TLL1: variants seen among roughly 807,000 people sequenced by gnomAD.
The protein encoded by TLL1 is tolloid like 1, also known as tolloid-like protein 1.
In TLL1, 49 loss-of-function variants were observed where a neutral mutation model predicts 128.2. The ratio of observed to expected loss-of-function variants is 0.38; its 90% CI spans 0.30 to 0.48. TLL1 has a LOEUF of 0.48. Ranked by LOEUF, TLL1 falls within the 20% of genes least tolerant of loss-of-function variation. The pLI is 0.96. For missense variants in TLL1, 1,123 were observed against 1,242.0 expected (o/e 0.90, Z 1.44); for synonymous variants, 454 against 418.8 (o/e 1.08, Z -1.03).
chr4:165,898,967 G>T (rs1002252398), intron 1 of TLL1, among the ~76,000 whole-genome samples: 10 of 152,182 alleles, frequency 6.6e-5, no homozygotes, highest in Non-Finnish European at 1.3e-4. Context: ...GAGGGTGTAT[G>T]TGTCCAGGAA....
chr4:165,902,296 AAAAAAC>A (rs897242757), intron 1 of TLL1, among the ~76,000 whole-genome samples: 3 of 148,946 alleles, frequency 2.0e-5, no homozygotes, highest in African/African-American at 7.7e-5. Context: ...GGTTATGAAA[AAAAAAC>A]AAAAAAACAA....
At chr4:165,986,388 G>A (rs1736394149) in intron 1 of TLL1, among the ~76,000 whole-genome samples, 1 of 151,918 alleles carries the variant, frequency 6.6e-6, no homozygotes, top group South Asian at 2.1e-4. Context: ...AGAAAGAAAT[G>A]CATTTTAAAC....
chr4:166,050,951 A>C (rs539413763), intron 12 of TLL1, among the ~76,000 whole-genome samples: 61 of 152,244 alleles, frequency 4.0e-4, no homozygotes, highest in African/African-American at 1.4e-3. Flanking sequence ...ATTTGGCTCT[A>C]CTTCTGATAT....
At chr4:166,005,126 C>T (rs1041563699) in intron 6 of TLL1, among the ~76,000 whole-genome samples, 22 of 151,822 alleles carry the variant, frequency 1.4e-4, no homozygotes, top group African/African-American at 5.1e-4. Flanking sequence ...TCTTTTTAGA[C>T]AACAAGATGA....
At chr4:165,903,237 C>G (rs1234371413) in intron 1 of TLL1, among the ~76,000 whole-genome samples, 1 of 151,882 alleles carries the variant, frequency 6.6e-6, no homozygotes, top group Non-Finnish European at 1.5e-5. Context: ...ACTCAGGAGG[C>G]TGAGGCAGGA....
intron 8 of TLL1, 53 bp from the exon 9 acceptor site, chr4:166,025,263 T>G (rs1045529993): frequency 2.3e-6 from 3 of 1,294,358 alleles, no homozygotes; most frequent in Non-Finnish European, 3.4e-6. Flanking sequence ...TTTATGATAT[T>G]CACGTATTTT....
In TLL1 at chr4:166,014,425, C is replaced by T. The variant is rs1560811459; in HGVS notation, c.918-11C>T. The T allele has an allele frequency of 1.2e-6, 2 of 1,611,676 alleles. No homozygotes were observed. Among genetic ancestry groups the T allele is most frequent in the African/African-American group, 1.3e-5 (1 of 74,820 alleles). ...GTGACTTAGGTGTGGTTTGCTTCTG[C>T]TTTTTTTCAGGGGGATGTTTCTGGA... On this transcript the variant is annotated splice_polypyrimidine_tract_variant and intron_variant, in intron 7 of 20. Coordinates refer to ENST00000061240, the MANE Select transcript of TLL1 (RefSeq NM_012464.5).
At chr4:165,911,168 C>T in intron 1 of TLL1, among the ~76,000 whole-genome samples, 1 of 152,154 alleles carries the variant, frequency 6.6e-6, no homozygotes, top group African/African-American at 2.4e-5. Context: ...TGCCCATTAA[C>T]CAATCTCTAT....
chr4:165,958,652 T>G lies in TLL1; in HGVS notation c.170-30729T>G, dbSNP rs1380367397. On this transcript the variant is annotated intron_variant, in intron 1 of 20. Transcript: ENST00000061240. ...GTAGGTTGCAAAAATTTTCTCCCATTTTGTAGGTTGCCTGTTCACTCTGAT... is the reference window on the plus strand; with the variant it reads ...GTAGGTTGCAAAAATTTTCTCCCATGTTGTAGGTTGCCTGTTCACTCTGAT... 9.1e-3 allele frequency among the ~76,000 whole-genome samples: 1,219 copies of G among 133,270 alleles called. 21 individuals carry two copies. The highest frequency in any genetic ancestry group is 0.034 in the African/African-American group (1,085 of 31,916). 87.4% of individuals were successfully genotyped at this position (133,270 alleles called of 152,430 possible).
intron 3 of TLL1, among the ~76,000 whole-genome samples, chr4:165,993,152 C>A (rs1736719612): frequency 6.6e-6 from 1 of 151,706 alleles, no homozygotes; most frequent in Non-Finnish European, 1.5e-5. Flanking sequence ...ATACTTATTT[C>A]CAGGCAATTC....
intron 1 of TLL1, among the ~76,000 whole-genome samples, chr4:165,957,701 C>CTTT (rs568454587): frequency 7.4e-6 from 1 of 135,830 alleles, no homozygotes; most frequent in African/African-American, 2.7e-5. Context: ...TTGGATCATT[C>CTTT]TTTTTTTTTT....
At position 165,874,162 on chromosome 4, in the gene TLL1, C is replaced by T. The variant is rs560331191; in HGVS notation, c.169+89C>T. On this transcript the variant is annotated intron_variant, in intron 1 of 20. Transcript: ENST00000061240. Reference sequence around the variant, plus strand: ...GTGGCGGTGGGAGCTCACCTGTTTCCTTCCCTCCCGCGTCAGCCCCTCCGC... The same window carrying T: ...GTGGCGGTGGGAGCTCACCTGTTTCTTTCCCTCCCGCGTCAGCCCCTCCGC... 3 of 1,514,164 alleles carry T rather than the reference C, an allele frequency of 2.0e-6. No homozygotes were observed. In the South Asian group the frequency reaches 3.4e-5, roughly 17 times the overall value. 93.8% of individuals were successfully genotyped at this position (1,514,164 alleles called of 1,614,324 possible). A position where few individuals can be genotyped will look rare whatever the true frequency, so the allele number is the denominator to read the frequency against.
chr4:166,100,972 A>G lies in TLL1; in HGVS notation c.*96A>G. 1 of 1,485,444 alleles carries G rather than the reference A, an allele frequency of 6.7e-7. No homozygotes were observed. Among genetic ancestry groups the G allele is most frequent in the Non-Finnish European group, 9.1e-7 (1 of 1,094,128 alleles). 92.0% of individuals were successfully genotyped at this position (1,485,444 alleles called of 1,614,324 possible). The stretch of plus-strand genomic sequence containing the variant: ...AGATATTGGCACAAATGTTTTATAC[A>G]AAGAGTTTGAACAAAAAATCCCTGT... On this transcript the variant is annotated 3_prime_UTR_variant, in exon 21 of 21. Coordinates refer to ENST00000061240, the MANE Select transcript of TLL1 (RefSeq NM_012464.5).
chr4:166,043,161 G>T, intron 11 of TLL1, 113 bp from the exon 12 acceptor site: 1 of 1,410,234 alleles, frequency 7.1e-7, no homozygotes, highest in Admixed American at 1.7e-5. Context: ...TTTATAGCCT[G>T]GTCTTTATGT....
chr4:165,990,711 ATAT>A (rs1390190067), intron 2 of TLL1, among the ~76,000 whole-genome samples: 2 of 152,002 alleles, frequency 1.3e-5, no homozygotes. Context: ...AAGAATAAGG[ATAT>A]TATTCTATAT....
At chr4:165,975,835 C>T (rs967340489) in intron 1 of TLL1, among the ~76,000 whole-genome samples, 19 of 151,782 alleles carry the variant, frequency 1.3e-4, no homozygotes, top group South Asian at 2.1e-4. Context: ...GTCAGGAGTT[C>T]GAGACCAGCC....
chr4:165,877,601 G>A (rs1730772086), intron 1 of TLL1, among the ~76,000 whole-genome samples: 1 of 152,132 alleles, frequency 6.6e-6, no homozygotes. Flanking sequence ...AGGAGCCTGG[G>A]CAAATTTAGT....
At chr4:166,041,768 C>T (rs1305009874) in intron 10 of TLL1, among the ~76,000 whole-genome samples, 3 of 152,200 alleles carry the variant, frequency 2.0e-5, no homozygotes, top group African/African-American at 7.2e-5. Flanking sequence ...AACCATCTTA[C>T]TTCTACATAT....
rs147706853 is a variant in TLL1, at chr4:166,087,948, C to CT, written c.2443-3177dup. ...TCTGACTAGGGCCCATGGTTATTCA[C>CT]TTTATTTTTGGCCTTTCTAAAACCC... is the stretch of plus-strand genomic sequence containing the variant. On this transcript the variant is annotated intron_variant, in intron 18 of 20. Transcript: ENST00000061240. 9.4e-3 allele frequency among the ~76,000 whole-genome samples: 1,430 copies of CT among 152,214 alleles called. 26 individuals carry two copies. Among genetic ancestry groups the CT allele is most frequent in the African/African-American group, 0.032 (1,339 of 41,538 alleles).
Sources: gnomAD v4.1 joint callset for allele counts (sites outside exome capture counted in the v4.1 genomes callset) on GRCh38, gnomAD v4.1.1 for gene constraint, MANE v1.5 for transcripts, NCBI Gene and HGNC (gene_info 2026-07-23, HGNC 2026-07-21) for gene names.